OR3A3: variants seen among roughly 807,000 people sequenced by gnomAD.
OR3A3 encodes the protein olfactory receptor 3A3.
For synonymous variants in OR3A3, 103 were observed against 163.9 expected (o/e 0.63, Z 2.84); for missense variants, 275 against 391.4 (o/e 0.70, Z 2.51).
At chr17:3,421,000 A>G (rs774799566) in exon 3 of OR3A3, 11 of 1,613,664 alleles carry the variant, frequency 6.8e-6, no homozygotes, top group East Asian at 6.7e-5. Flanking sequence ...CAGCACCCGC[A>G]TGAGTCAGAC....
chr17:3,411,472 C>T, exon 1 of OR3A3: 1 of 152,332 alleles, frequency 6.6e-6, no homozygotes, highest in Non-Finnish European at 1.5e-5. Context: ...CTGAGACCAT[C>T]CTGGCTAACA....
At chr17:3,423,953 G>GAAAAAAAAAAAAAAAAAAAAAAA (rs148900480) in exon 3 of OR3A3, 3 of 120,040 alleles carry the variant, frequency 2.5e-5, no homozygotes, top group African/African-American at 3.1e-5. Context: ...CTCAAAAAAA[G>GAAAAAAAAAAAAAAAAAAAAAAA]AAAAAAAAAA....
chr17:3,421,602 CT>C (rs2150682771), exon 3 of OR3A3: 1 of 1,499,632 alleles, frequency 6.7e-7, no homozygotes, highest in Non-Finnish European at 8.9e-7. Context: ...ACCAACAAAC[CT>C]TGTTTATAAC....
At chr17:3,420,436 C>T in intron 2 of OR3A3, 144 bp from the exon 3 acceptor site, 3 of 1,402,552 alleles carry the variant, frequency 2.1e-6, no homozygotes, top group Non-Finnish European at 2.9e-6. Flanking sequence ...GCATCTCAAC[C>T]AAGAGCAAGG....
chr17:3,414,152 A>G (rs1422919113), intron 2 of OR3A3, among the ~76,000 whole-genome samples: 1 of 151,758 alleles, frequency 6.6e-6, no homozygotes, highest in Non-Finnish European at 1.5e-5. Context: ...GCTCACTGCA[A>G]CCTCCACCTC....
intron 2 of OR3A3, among the ~76,000 whole-genome samples, chr17:3,419,699 A>G (rs952064490): frequency 2.0e-5 from 3 of 149,488 alleles, no homozygotes; most frequent in African/African-American, 7.3e-5. Flanking sequence ...GTTTGGGTTG[A>G]TCCCTCAGAG....
exon 3 of OR3A3, chr17:3,422,043 A>G (rs2072438790): frequency 6.6e-6 from 1 of 152,564 alleles, no homozygotes; most frequent in Admixed American, 6.5e-5. Flanking sequence ...ATCCCAGCCT[A>G]GGTAACCAAG....
chr17:3,416,772 T>C (rs2072394620), intron 2 of OR3A3, among the ~76,000 whole-genome samples: 1 of 152,132 alleles, frequency 6.6e-6, no homozygotes, highest in African/African-American at 2.4e-5. Flanking sequence ...AAACAATGTG[T>C]AAGGATCAAA....
intron 2 of OR3A3, among the ~76,000 whole-genome samples, chr17:3,418,254 C>G (rs924093923): frequency 3.3e-5 from 5 of 152,110 alleles, no homozygotes; most frequent in Non-Finnish European, 7.3e-5. Flanking sequence ...TTAACTAGAC[C>G]TTGTGCTGGT....
intron 2 of OR3A3, among the ~76,000 whole-genome samples, chr17:3,414,706 A>T (rs2072380672): frequency 6.6e-6 from 1 of 152,172 alleles, no homozygotes; most frequent in Non-Finnish European, 1.5e-5. Context: ...GAGATAGCTC[A>T]TCACCAGAAA....
At chr17:3,413,286 T>A (rs2072371857) in intron 2 of OR3A3, among the ~76,000 whole-genome samples, 1 of 151,984 alleles carries the variant, frequency 6.6e-6, no homozygotes, top group Admixed American at 6.6e-5. Flanking sequence ...GATGGGAAAG[T>A]TTCACGGAAA....
At chr17:3,421,112 A>G in exon 3 of OR3A3, 2 of 1,614,064 alleles carry the variant, frequency 1.2e-6, no homozygotes, top group Non-Finnish European at 1.7e-6. Context: ...GGCCCCAATG[A>G]GGTCAATCAC....
chr17:3,420,537 C>A (rs1413230736), intron 2 of OR3A3, 43 bp from the exon 3 acceptor site: 6 of 1,577,350 alleles, frequency 3.8e-6, no homozygotes, highest in Non-Finnish European at 5.2e-6. Flanking sequence ...TTAATGTGAA[C>A]TGAGTGAACT....
intron 2 of OR3A3, among the ~76,000 whole-genome samples, chr17:3,417,214 C>G (rs1406927891): frequency 3.9e-5 from 6 of 152,090 alleles, no homozygotes; most frequent in Non-Finnish European, 8.8e-5. Flanking sequence ...TAATTTTTTA[C>G]TATGGAATTC....
exon 3 of OR3A3, chr17:3,422,010 G>A (rs2072438576): frequency 6.5e-6 from 1 of 153,022 alleles, no homozygotes; most frequent in Non-Finnish European, 1.5e-5. Context: ...GAGCAGCAAT[G>A]TCCTACAGGA....
chr17:3,414,073 T>G (rs768681798), intron 2 of OR3A3, among the ~76,000 whole-genome samples: 1 of 152,112 alleles, frequency 6.6e-6, no homozygotes, highest in African/African-American at 2.4e-5. Context: ...AGAGACTACC[T>G]TGACTCTTTT....
intron 2 of OR3A3, among the ~76,000 whole-genome samples, chr17:3,415,798 AATTATTATTATTATT>A (rs71153352): frequency 0.045 from 4,076 of 90,538 alleles, 217 homozygotes; most frequent in African/African-American, 0.12. Context: ...CTTATTTTTA[AATTATTATTATTATT>A]ATTATTATTA....
intron 2 of OR3A3, among the ~76,000 whole-genome samples, chr17:3,419,837 C>T (rs1003789152): frequency 6.6e-6 from 1 of 150,836 alleles, no homozygotes; most frequent in Non-Finnish European, 1.5e-5. Flanking sequence ...GGGTTCACAC[C>T]ATTCTCCCGC....
chr17:3,413,544 G>T (rs2072373105), intron 2 of OR3A3, among the ~76,000 whole-genome samples: 1 of 152,152 alleles, frequency 6.6e-6, no homozygotes, highest in African/African-American at 2.4e-5. Flanking sequence ...GATGGATGCG[G>T]TGGCTCACGC....
Sources: gnomAD v4.1 joint callset for allele counts (sites outside exome capture counted in the v4.1 genomes callset) on GRCh38, gnomAD v4.1.1 for gene constraint, MANE v1.5 for transcripts, NCBI Gene and HGNC (gene_info 2026-07-23, HGNC 2026-07-21) for gene names.